Variants in CYP2J2 observed in about 807,000 individuals in gnomAD.
CYP2J2 encodes the protein cytochrome P450 family 2 subfamily J member 2.
A neutral mutation model predicts 48.8 loss-of-function variants in CYP2J2; 41 were observed. The observed-to-expected ratio is 0.84, with a 90% CI of 0.66 to 1.09. The LOEUF (loss-of-function observed/expected upper bound fraction) is 1.09, where lower values mean the gene tolerates loss of function less well. Ranked by LOEUF, CYP2J2 falls within the 50% of genes least tolerant of loss-of-function variation. The probability of loss-of-function intolerance (pLI) is 0.00; values close to 1 mark genes in which losing one functional copy is unlikely to be tolerated. For missense variants in CYP2J2, 644 were observed against 617.3 expected, an observed-to-expected ratio of 1.04 and a Z score of -0.46; for synonymous variants, 221 against 227.1, an observed-to-expected ratio of 0.97 and a Z score of 0.24.
the CYP2J2 span, among the ~76,000 whole-genome samples, chr1:59,961,116 CAATAA>C: frequency 6.6e-6 from 1 of 151,962 alleles, no homozygotes; most frequent in Non-Finnish European, 1.5e-5. Flanking sequence ...AAAGCTCAAG[CAATAA>C]AATAAAACAT....
At chr1:59,965,293 A>C in the CYP2J2 span, among the ~76,000 whole-genome samples, 2 of 152,308 alleles carry the variant, frequency 1.3e-5, no homozygotes, top group East Asian at 3.9e-4. Context: ...TGGAAATATA[A>C]ACCAGAGGAC....
intron 8 of CYP2J2, among the ~76,000 whole-genome samples, chr1:59,896,493 T>C (rs1644270807): frequency 6.6e-6 from 1 of 152,096 alleles, no homozygotes; most frequent in Admixed American, 6.5e-5. Context: ...CAACTTCCTC[T>C]CATTATCCTC....
upstream of CYP2J2, chr1:59,926,896 G>A: frequency 4.4e-6 from 3 of 681,276 alleles, no homozygotes; most frequent in South Asian, 1.9e-5. Flanking sequence ...CTGGATTCCC[G>A]GGAGGACACG....
chr1:59,900,849 C>T (rs1471997696), intron 8 of CYP2J2, 116 bp downstream of exon 8: 19 of 1,204,826 alleles, frequency 1.6e-5, no homozygotes, highest in Middle Eastern at 2.8e-4. Flanking sequence ...TGGAGTGAGT[C>T]GCACTGGCCA....
At chr1:59,906,641 T>C (rs957455944) in intron 6 of CYP2J2, among the ~76,000 whole-genome samples, 3 of 152,192 alleles carry the variant, frequency 2.0e-5, no homozygotes, top group African/African-American at 7.2e-5. Flanking sequence ...ACTGAGGCTC[T>C]ATATCCCCTC....
At chr1:59,900,720 A>T (rs1320688891) in intron 8 of CYP2J2, among the ~76,000 whole-genome samples, 1 of 152,154 alleles carries the variant, frequency 6.6e-6, no homozygotes, top group Non-Finnish European at 1.5e-5. Context: ...TTTCCAGAGG[A>T]CAGAACACAG....
At chr1:59,940,515 AAACT>A in the CYP2J2 span, among the ~76,000 whole-genome samples, 1 of 152,230 alleles carries the variant, frequency 6.6e-6, no homozygotes, top group African/African-American at 2.4e-5. Flanking sequence ...CTTTTGCACC[AAACT>A]AATAGTACAA....
chr1:59,915,576 G>C (rs1644457251), intron 2 of CYP2J2, among the ~76,000 whole-genome samples: 1 of 152,178 alleles, frequency 6.6e-6, no homozygotes, highest in East Asian at 1.9e-4. Context: ...AGAAGCAGCA[G>C]CAGGAGGAGG....
intron 6 of CYP2J2, 144 bp downstream of exon 6, chr1:59,907,642 G>A: frequency 2.7e-6 from 2 of 748,610 alleles, no homozygotes; most frequent in Admixed American, 2.8e-5. Flanking sequence ...TATGAAGAAT[G>A]TGCAGTTTCC....
chr1:59,955,295 T>TATATATATATCCATATATATCC, the CYP2J2 span, among the ~76,000 whole-genome samples: 3 of 108,288 alleles, frequency 2.8e-5, no homozygotes, highest in African/African-American at 1.4e-4. Flanking sequence ...TATATATCCA[T>TATATATATATCCATATATATCC]ATATATATAT....
the CYP2J2 span, among the ~76,000 whole-genome samples, chr1:59,946,659 A>T: frequency 7.2e-5 from 11 of 152,294 alleles, no homozygotes; most frequent in African/African-American, 2.4e-4. Flanking sequence ...ACACTCTAAG[A>T]AGTACAGAAA....
the CYP2J2 span, among the ~76,000 whole-genome samples, chr1:59,933,725 A>T: frequency 6.6e-6 from 1 of 152,198 alleles, no homozygotes; most frequent in Non-Finnish European, 1.5e-5. Context: ...TCGCTAAAAA[A>T]AATTAAAAGA....
the CYP2J2 span, among the ~76,000 whole-genome samples, chr1:59,957,346 G>A: frequency 6.6e-6 from 1 of 151,924 alleles, no homozygotes; most frequent in African/African-American, 2.4e-5. Flanking sequence ...AAGGAAGGTG[G>A]GGGTGGGGCA....
At chr1:59,898,712 C>T (rs2102104783) in intron 8 of CYP2J2, among the ~76,000 whole-genome samples, 1 of 152,236 alleles carries the variant, frequency 6.6e-6, no homozygotes, top group South Asian at 2.1e-4. Context: ...CTGCAAATTC[C>T]TTGAGCATAT....
At chr1:59,966,254 C>T in the CYP2J2 span, among the ~76,000 whole-genome samples, 1 of 152,190 alleles carries the variant, frequency 6.6e-6, no homozygotes, top group Non-Finnish European at 1.5e-5. Context: ...TTCATTAGAG[C>T]ACTCCTCTCC....
chr1:59,967,143 A>G, the CYP2J2 span, among the ~76,000 whole-genome samples: 1 of 152,216 alleles, frequency 6.6e-6, no homozygotes, highest in African/African-American at 2.4e-5. Context: ...ACAAAAGCTT[A>G]CACGAGTTTT....
the CYP2J2 span, among the ~76,000 whole-genome samples, chr1:59,960,389 G>C: frequency 8.5e-5 from 13 of 152,158 alleles, no homozygotes; most frequent in African/African-American, 3.1e-4. Flanking sequence ...GATGCTGCAG[G>C]AAAGTGTTAA....
rs541895506 is a variant in CYP2J2 at position 59,914,873 on chromosome 1, CTT to C, written c.373+1063_373+1064del. Among the ~76,000 whole-genome samples the C allele has an allele frequency of 2.8e-3, 429 of 152,298 alleles. 1 individual carries two copies. The highest frequency in any genetic ancestry group is 5.3e-3 in the Non-Finnish European group (362 of 68,020). ...GGAAGGCCACTGTCTCCTGCCTACT[CTT>C]GGGAATGGAATGTTTCGGTATAAAA... On this transcript the variant is annotated intron_variant, in intron 2 of 8. Transcript: ENST00000371204.
At chr1:59,894,688 G>A (rs1644253925) in intron 8 of CYP2J2, among the ~76,000 whole-genome samples, 1 of 152,194 alleles carries the variant, frequency 6.6e-6, no homozygotes, top group Admixed American at 6.5e-5. Flanking sequence ...TGAGCTACAT[G>A]CTGAATCCAA....
Sources: allele counts gnomAD v4.1 joint callset (sites outside exome capture counted in the v4.1 genomes callset), GRCh38; gene constraint gnomAD v4.1.1; transcripts MANE v1.5; gene names NCBI Gene and HGNC (gene_info 2026-07-23, HGNC 2026-07-21).